MAD1L1: variants seen among roughly 807,000 people sequenced by gnomAD.
MAD1L1 encodes the protein mitotic spindle assembly checkpoint protein MAD1.
MAD1L1 carries 95 observed loss-of-function variants against 96.9 expected under a neutral mutation model. The ratio of observed to expected loss-of-function variants is 0.98; its 90% CI spans 0.83 to 1.16. The LOEUF (loss-of-function observed/expected upper bound fraction) is 1.16. Ranked by LOEUF, MAD1L1 falls within the 50% of genes most tolerant of loss-of-function variation. MAD1L1 has a pLI of 0.00. For missense variants in MAD1L1, 1,007 were observed against 954.4 expected (o/e 1.06, Z -0.73); for synonymous variants, 473 against 396.6 (o/e 1.19, Z -2.29).
chr7:2,039,926 A>G (rs1783602869), intron 12 of MAD1L1, among the ~76,000 whole-genome samples: 1 of 152,152 alleles, frequency 6.6e-6, no homozygotes, highest in African/African-American at 2.4e-5. Context: ...TAGAGCAAAA[A>G]TAAGTGAAAT....
At chr7:1,883,183 A>AACGACTCCAGGAACC (rs2128665256) in intron 18 of MAD1L1, among the ~76,000 whole-genome samples, 2 of 151,096 alleles carry the variant, frequency 1.3e-5, no homozygotes, top group South Asian at 4.4e-4. Context: ...TCGTGTCACA[A>AACGACTCCAGGAACC]ACGACTCCAG....
At chr7:2,038,206 CT>C (rs1202365454) in intron 12 of MAD1L1, among the ~76,000 whole-genome samples, 1 of 152,196 alleles carries the variant, frequency 6.6e-6, no homozygotes, top group African/African-American at 2.4e-5. Context: ...AAGTCTGAAG[CT>C]AGCAGAGGTG....
chr7:1,960,582 T>C (rs1261835686), intron 15 of MAD1L1, among the ~76,000 whole-genome samples: 1 of 152,178 alleles, frequency 6.6e-6, no homozygotes. Flanking sequence ...AATAAAGAGA[T>C]TGATTAATCA....
At chr7:1,893,135 C>T (rs1288833986) in intron 18 of MAD1L1, among the ~76,000 whole-genome samples, 2 of 152,194 alleles carry the variant, frequency 1.3e-5, no homozygotes, top group African/African-American at 2.4e-5. Flanking sequence ...GGGAGAGGAG[C>T]AGAGGCAGCA....
intron 14 of MAD1L1, among the ~76,000 whole-genome samples, chr7:1,983,804 T>C (rs1044214624): frequency 6.6e-6 from 1 of 152,224 alleles, no homozygotes. Flanking sequence ...CTATTTTGGA[T>C]GGTGATACTT....
intron 10 of MAD1L1, among the ~76,000 whole-genome samples, chr7:2,171,515 C>A (rs1192917025): frequency 2.2e-5 from 3 of 136,986 alleles, no homozygotes; most frequent in South Asian, 4.2e-4. Flanking sequence ...GGAGATGGGA[C>A]ACGTATGGGT....
chr7:2,138,624 C>T (rs764360783), intron 11 of MAD1L1, among the ~76,000 whole-genome samples: 1 of 152,170 alleles, frequency 6.6e-6, no homozygotes, highest in South Asian at 2.1e-4. Flanking sequence ...AAGGCCACAC[C>T]GCCATCGCCT....
chr7:1,937,007 C>G (rs974696285), intron 16 of MAD1L1, 110 bp from the exon 17 acceptor site: 24 of 805,286 alleles, frequency 3.0e-5, no homozygotes, highest in Admixed American at 4.8e-5. Flanking sequence ...ACGGGTCACA[C>G]ACAGCACAGT....
In MAD1L1 at chr7:1,918,362, G is replaced by T. The variant is rs140814164; in HGVS notation, c.1807+18325C>A. 6.0e-4 allele frequency among the ~76,000 whole-genome samples: 91 copies of T among 152,300 alleles called. 1 individual carries two copies. In the Middle Eastern group the frequency reaches 0.034, roughly 57 times the overall value. The stretch of plus-strand genomic sequence containing the variant: ...GGTGCTGCAGAACCTGGTTCTGGGA[G>T]CGTCTGTCTGGATCCTCCCTCGGCT... On this transcript the variant is annotated intron_variant, in intron 17 of 18. Transcript: ENST00000265854.
rs372356593 is a variant in MAD1L1, at chr7:2,230,246, T to C, written c.-10-103A>G. Reference sequence around the variant, plus strand: ...GACAGCCCCACTCCCCTAACGCACATTGGAGCTCATAATACACCCATGCCT... The same window carrying C: ...GACAGCCCCACTCCCCTAACGCACACTGGAGCTCATAATACACCCATGCCT... On this transcript the variant is annotated intron_variant, in intron 2 of 18. Coordinates refer to ENST00000265854, the MANE Select transcript of MAD1L1 (RefSeq NM_001013836.2). 123 of 826,980 alleles carry C rather than the reference T, an allele frequency of 1.5e-4. 2 individuals carry two copies. The highest frequency in any genetic ancestry group is 1.4e-3 in the South Asian group (80 of 58,532). The allele number at this position is 826,980 out of a possible 1,614,324, so 51.2% of individuals were successfully genotyped here. A position where few individuals can be genotyped will look rare whatever the true frequency, so the allele number is the denominator to read the frequency against.
chr7:1,919,059 G>A (rs1788609797), intron 17 of MAD1L1, among the ~76,000 whole-genome samples: 1 of 152,244 alleles, frequency 6.6e-6, no homozygotes, highest in African/African-American at 2.4e-5. Context: ...TCCCCAGCAA[G>A]GACAGGGACC....
rs192471348 is a variant in MAD1L1, at chr7:1,825,625, G to A, written c.1999-9397C>T. Among the ~76,000 whole-genome samples the A allele has an allele frequency of 5.9e-5, 9 of 152,360 alleles. No individual in the cohort carries two copies. In the East Asian group the frequency reaches 1.5e-3, roughly 26 times the overall value. On this transcript the variant is annotated intron_variant, in intron 18 of 18. Coordinates refer to ENST00000265854, the MANE Select transcript of MAD1L1 (RefSeq NM_001013836.2). Reference sequence around the variant, plus strand: ...ACAGCTCTGTCCACGGGTCTTTGCGGTGCCCGTCTGAGCGCCTGTGAACAG... The same window carrying A: ...ACAGCTCTGTCCACGGGTCTTTGCGATGCCCGTCTGAGCGCCTGTGAACAG...
At chr7:1,858,697 G>C (rs1784377919) in intron 18 of MAD1L1, among the ~76,000 whole-genome samples, 1 of 152,208 alleles carries the variant, frequency 6.6e-6, no homozygotes, top group Non-Finnish European at 1.5e-5. Flanking sequence ...TGGTGGCGAG[G>C]ACGCATGGGC....
intron 7 of MAD1L1, among the ~76,000 whole-genome samples, 190 bp from the exon 8 acceptor site, chr7:2,216,477 C>A (rs1161870141): frequency 1.3e-5 from 2 of 152,160 alleles, no homozygotes; most frequent in Non-Finnish European, 1.5e-5. Context: ...CAGGGATTGA[C>A]TGGGGGAGCA....
At chr7:1,873,124 G>C (rs373326129) in intron 18 of MAD1L1, among the ~76,000 whole-genome samples, 43 of 152,368 alleles carry the variant, frequency 2.8e-4, no homozygotes, top group African/African-American at 9.9e-4. Context: ...CGTGGGGCTG[G>C]TGGGCCCGGT....
chr7:2,002,109 G>A lies in MAD1L1; in HGVS notation c.1372C>T (p.Gln458Ter), dbSNP rs1781824493. 6.2e-7 allele frequency: 1 copy of A among 1,613,154 alleles called. No homozygotes were observed. The highest frequency in any genetic ancestry group is 8.5e-7 in the Non-Finnish European group (1 of 1,180,010). Residue 458 changes from glutamine (Q) to a stop codon, truncating the protein, a stop_gained, in exon 14 of 19, where the codon CAG (glutamine) becomes TAG (stop). Transcript: ENST00000265854. LOFTEE classifies it high-confidence loss of function. The stretch of plus-strand genomic sequence containing the variant: ...TGGCCTCCCAGCTCCTCCAGGGCCT[G>A]CGACAGCTGAGCCTGCAAGACAAGA... ...HSAEMEAQLS[Q>*]ALEELGGQKQ... is the part of the protein sequence containing the mutation.
intron 18 of MAD1L1, chr7:1,829,692 T>G (rs562401516): frequency 7.1e-6 from 1 of 141,024 alleles, no homozygotes; most frequent in South Asian, 2.2e-4. Context: ...CTGAGAGATC[T>G]GAGAAGTTCA....
Position 2,088,117 on chromosome 7 carries a change from G to C in MAD1L1, c.1074-18779C>G, listed in dbSNP as rs1786019870. ...TCCCCTTTAAAAGTCTACACACAAA[G>C]CACCCGCACAGGCTGAGTGGAAATA... On this transcript the variant is annotated intron_variant, in intron 11 of 18. Coordinates refer to ENST00000265854, the MANE Select transcript of MAD1L1 (RefSeq NM_001013836.2). This position sits in a 1 kb window ranked among gnomAD's most constrained non-coding sequence, Gnocchi z 4.4. Among the ~76,000 whole-genome samples the C allele has an allele frequency of 6.6e-6, 1 of 152,164 alleles. No homozygotes were observed. The highest frequency in any genetic ancestry group is 1.5e-5 in the Non-Finnish European group (1 of 68,040).
chr7:2,185,474 C>A lies in MAD1L1; in HGVS notation c.986+27738G>T, dbSNP rs962392114. On this transcript the variant is annotated intron_variant, in intron 10 of 18. Transcript: ENST00000265854. ...ACTCACTCAATTATATACATAAGAT[C>A]TGTCCATTTCACTGTATGTAATTAT... Among the ~76,000 whole-genome samples the A allele has an allele frequency of 4.6e-5, 7 of 152,100 alleles. No homozygotes were observed. The South Asian group carries it at 6.2e-4, about 14-fold the overall frequency.
Sources: gnomAD v4.1 joint callset for allele counts (sites outside exome capture counted in the v4.1 genomes callset) on GRCh38, gnomAD v4.1.1 for gene constraint, Gnocchi (gnomAD v3.1) non-coding constraint, MANE v1.5 for transcripts, NCBI Gene and HGNC (gene_info 2026-07-23, HGNC 2026-07-21) for gene names.